The following THSD4 variants were observed in gnomAD, a reference collection of about 807,000 sequenced individuals.
The protein encoded by THSD4 is thrombospondin type-1 domain-containing protein 4.
In THSD4, 69 loss-of-function variants were observed where a neutral mutation model predicts 119.0. The ratio of observed to expected loss-of-function variants is 0.58; its 90% CI spans 0.48 to 0.71. THSD4 has a LOEUF of 0.71. Ranked by LOEUF, THSD4 falls within the 30% of genes least tolerant of loss-of-function variation. THSD4 has a pLI of 0.00. For missense variants in THSD4, 1,393 were observed against 1,391.1 expected, an observed-to-expected ratio of 1.00 and a Z score of -0.02; for synonymous variants, 524 against 540.4, an observed-to-expected ratio of 0.97 and a Z score of 0.42.
At chr15:71,433,474 T>C (rs978170219) in intron 7 of THSD4, among the ~76,000 whole-genome samples, 1 of 151,548 alleles carries the variant, frequency 6.6e-6, no homozygotes, top group African/African-American at 2.4e-5. Context: ...TTTTTTGGTT[T>C]GTTTGTTTGT....
At chr15:71,152,523 C>T (rs1053563690) in intron 2 of THSD4, among the ~76,000 whole-genome samples, 2 of 152,134 alleles carry the variant, frequency 1.3e-5, no homozygotes, top group African/African-American at 4.8e-5. Flanking sequence ...CTAAGCTGGG[C>T]CTGTTGTAGC....
At chr15:71,457,733 G>C (rs1247027293) in intron 7 of THSD4, among the ~76,000 whole-genome samples, 2 of 152,172 alleles carry the variant, frequency 1.3e-5, no homozygotes, top group Non-Finnish European at 2.9e-5. Flanking sequence ...CTGTCTCCAA[G>C]ACTTGTCCCT....
chr15:71,595,369 TGGTCTCATGATAGTTAATA>T (rs1460153052), intron 7 of THSD4, among the ~76,000 whole-genome samples: 6 of 152,208 alleles, frequency 3.9e-5, no homozygotes, highest in Non-Finnish European at 7.3e-5. Context: ...TTTTCCGTGC[TGGTCTCATGATAGTTAATA>T]AGTCTCATGA....
At chr15:71,742,974 G>A (rs1165609139) in intron 11 of THSD4, among the ~76,000 whole-genome samples, 1 of 152,172 alleles carries the variant, frequency 6.6e-6, no homozygotes, top group Non-Finnish European at 1.5e-5. Context: ...AGAATCACTT[G>A]AACCCGGGAG....
chr15:71,728,788 C>T, intron 9 of THSD4, 64 bp downstream of exon 9: 1 of 1,582,386 alleles, frequency 6.3e-7, no homozygotes, highest in Non-Finnish European at 8.6e-7. Context: ...AAGGAACATA[C>T]TCTGAACAAA....
At chr15:71,455,475 A>T (rs1000340338) in intron 7 of THSD4, among the ~76,000 whole-genome samples, 18 of 152,114 alleles carry the variant, frequency 1.2e-4, no homozygotes, top group Admixed American at 9.2e-4. Flanking sequence ...TGCTTCATGG[A>T]TAAGACAGGC....
At chr15:71,368,707 G>A (rs1019809721) in intron 6 of THSD4, among the ~76,000 whole-genome samples, 2 of 152,182 alleles carry the variant, frequency 1.3e-5, no homozygotes, top group African/African-American at 4.8e-5. Flanking sequence ...ATAGTTTGAA[G>A]TCAGGTAGTG....
At chr15:71,562,102 G>T (rs1250551265) in intron 7 of THSD4, among the ~76,000 whole-genome samples, 1 of 151,936 alleles carries the variant, frequency 6.6e-6, no homozygotes, top group Non-Finnish European at 1.5e-5. Flanking sequence ...CCACACAGTT[G>T]TTTAACCCAG....
chr15:71,736,181 CTCTG>C (rs2053099528), intron 10 of THSD4, among the ~76,000 whole-genome samples: 1 of 105,124 alleles, frequency 9.5e-6, no homozygotes, highest in African/African-American at 3.2e-5. Context: ...CTCTCTCACA[CTCTG>C]TCTCTCTCTT....
At chr15:71,736,897 TAA>T (rs2053123773) in intron 10 of THSD4, among the ~76,000 whole-genome samples, 1 of 152,228 alleles carries the variant, frequency 6.6e-6, no homozygotes, top group African/African-American at 2.4e-5. Flanking sequence ...AGTGGAGGAA[TAA>T]AGATAGTAAA....
chr15:71,360,272 G>A (rs528296004), intron 6 of THSD4, among the ~76,000 whole-genome samples: 1 of 152,288 alleles, frequency 6.6e-6, no homozygotes, highest in East Asian at 1.9e-4. Flanking sequence ...CCCAGAACAA[G>A]CATTCTAAAA....
chr15:71,513,902 A>G (rs1042148619), intron 7 of THSD4, among the ~76,000 whole-genome samples: 6 of 152,374 alleles, frequency 3.9e-5, no homozygotes, highest in African/African-American at 1.4e-4. Flanking sequence ...TATGTTGATC[A>G]AAAGAAGCCA....
chr15:71,609,867 A>AG (rs2050190564), intron 7 of THSD4, among the ~76,000 whole-genome samples: 1 of 149,300 alleles, frequency 6.7e-6, no homozygotes, highest in Non-Finnish European at 1.5e-5. Flanking sequence ...AAAAAAAAAA[A>AG]GAAAAAAAGA....
chr15:71,563,135 G>A (rs893741284), intron 7 of THSD4, among the ~76,000 whole-genome samples: 1 of 152,018 alleles, frequency 6.6e-6, no homozygotes, highest in Non-Finnish European at 1.5e-5. Flanking sequence ...ATCCCACATC[G>A]TCCTATGGTG....
At chr15:71,654,538 G>A (rs955579910) in intron 7 of THSD4, among the ~76,000 whole-genome samples, 10 of 152,114 alleles carry the variant, frequency 6.6e-5, no homozygotes, top group Non-Finnish European at 1.0e-4. Flanking sequence ...GAATTTACTG[G>A]ATCAAACGGT....
At chr15:71,447,137 T>C (rs2047196447) in intron 7 of THSD4, among the ~76,000 whole-genome samples, 1 of 142,976 alleles carries the variant, frequency 7.0e-6, no homozygotes, top group African/African-American at 2.6e-5. Context: ...TTTTTTTTTT[T>C]TGGAGACAGA....
At chr15:71,672,400 G>A (rs762769342) in intron 8 of THSD4, among the ~76,000 whole-genome samples, 1 of 152,172 alleles carries the variant, frequency 6.6e-6, no homozygotes, top group African/African-American at 2.4e-5. Context: ...AGACGATGGG[G>A]TTTTCTAAAT....
intron 2 of THSD4, among the ~76,000 whole-genome samples, chr15:71,143,048 A>G (rs2040620267): frequency 6.6e-6 from 1 of 152,182 alleles, no homozygotes; most frequent in African/African-American, 2.4e-5. Context: ...ATAATTTTAC[A>G]TGGGCAGACG....
At chr15:71,690,309 T>C (rs2052019533) in intron 8 of THSD4, among the ~76,000 whole-genome samples, 1 of 152,224 alleles carries the variant, frequency 6.6e-6, no homozygotes, top group Non-Finnish European at 1.5e-5. Flanking sequence ...GAATCCTTGC[T>C]GAGAATCTGG....
Sources: allele counts gnomAD v4.1 joint callset (sites outside exome capture counted in the v4.1 genomes callset), GRCh38; gene constraint gnomAD v4.1.1; transcripts MANE v1.5; gene names NCBI Gene and HGNC (gene_info 2026-07-23, HGNC 2026-07-21).